The following NPHP4 variants were observed in gnomAD, a reference collection of about 807,000 sequenced individuals.
NPHP4 encodes nephrocystin 4.
In NPHP4, 151 loss-of-function variants were observed where a neutral mutation model predicts 155.8. That is an observed-to-expected ratio of 0.97 (90% CI 0.85 to 1.11). The LOEUF is 1.11. Among genes scored for constraint, NPHP4 ranks in the 50% least tolerant of loss-of-function variants. NPHP4 has a pLI of 0.00. For missense variants in NPHP4, 1,956 were observed against 1,925.7 expected, an observed-to-expected ratio of 1.02 and a Z score of -0.29; for synonymous variants, 845 against 816.8, an observed-to-expected ratio of 1.03 and a Z score of -0.59.
intron 10 of NPHP4, among the ~76,000 whole-genome samples, chr1:5,932,158 T>C (rs1170960258): frequency 6.6e-6 from 1 of 152,166 alleles, no homozygotes; most frequent in Non-Finnish European, 1.5e-5. Context: ...TTGATATTGA[T>C]GGCTGCTGCC....
Position 5,969,138 on chromosome 1 carries a change from C to A in NPHP4, c.401G>T (p.Arg134Leu). ...QTLSCGFGIL[R>L]IFSNQPDSPI... ...AGAGTCCGGCTGGTTGCTGAAGATCCGAAGAATTCCAAACCCACAGGACAA... is the reference window on the plus strand; with the variant it reads ...AGAGTCCGGCTGGTTGCTGAAGATCAGAAGAATTCCAAACCCACAGGACAA... The change falls in exon 4 of 30, where the codon CGG becomes CTG. Residue 134 changes from arginine to leucine, a missense_variant. Coordinates refer to ENST00000378156, the MANE Select transcript of NPHP4 (RefSeq NM_015102.5). The A allele has an allele frequency of 6.4e-7, 1 of 1,552,048 alleles. No homozygotes were observed. The highest frequency in any genetic ancestry group is 8.7e-7 in the Non-Finnish European group (1 of 1,146,974).
chr1:5,957,520 T>C (rs1215951816), intron 6 of NPHP4, among the ~76,000 whole-genome samples: 1 of 150,646 alleles, frequency 6.6e-6, no homozygotes, highest in African/African-American at 2.5e-5. Context: ...GCTGCAACAG[T>C]GGGATATTTA....
At chr1:5,951,149 G>A (rs1647919719) in intron 7 of NPHP4, among the ~76,000 whole-genome samples, 1 of 152,224 alleles carries the variant, frequency 6.6e-6, no homozygotes, top group South Asian at 2.1e-4. Context: ...GAGGGAATGG[G>A]CGGGGAGGAA....
intron 11 of NPHP4, among the ~76,000 whole-genome samples, chr1:5,912,537 C>CAAAAAAAAAAAAAAAAAAAAA (rs752371714): frequency 9.0e-5 from 7 of 77,822 alleles, no homozygotes; most frequent in African/African-American, 1.2e-4. Flanking sequence ...GACTCCGTCT[C>CAAAAAAAAAAAAAAAAAAAAA]AAAAAAAAAA....
chr1:5,897,461 A>T (rs1183320996), intron 16 of NPHP4, among the ~76,000 whole-genome samples: 1 of 152,242 alleles, frequency 6.6e-6, no homozygotes, highest in Non-Finnish European at 1.5e-5. Context: ...TGTGAAGCAC[A>T]CAGCACTGAC....
At chr1:5,911,676 T>C (rs1327901252) in intron 11 of NPHP4, among the ~76,000 whole-genome samples, 1 of 152,148 alleles carries the variant, frequency 6.6e-6, no homozygotes, top group Non-Finnish European at 1.5e-5. Context: ...AAGGTGGCCA[T>C]TTAAAAAGAT....
chr1:5,901,969 C>T (rs2101081005), intron 16 of NPHP4, among the ~76,000 whole-genome samples: 1 of 152,258 alleles, frequency 6.6e-6, no homozygotes, highest in South Asian at 2.1e-4. Context: ...AGACAAAGGC[C>T]ACACCCCTGG....
chr1:5,959,665 A>G (rs1165865180), intron 6 of NPHP4, among the ~76,000 whole-genome samples: 1 of 152,188 alleles, frequency 6.6e-6, no homozygotes. Context: ...AGCAGCACAC[A>G]GCTAGTCCCA....
chr1:5,959,942 C>T (rs2102107985), intron 6 of NPHP4, among the ~76,000 whole-genome samples: 1 of 152,106 alleles, frequency 6.6e-6, no homozygotes, highest in East Asian at 1.9e-4. Flanking sequence ...CAGGCGGCAA[C>T]TCACAGTTAG....
chr1:5,977,762 G>A (rs974648057), intron 3 of NPHP4, among the ~76,000 whole-genome samples: 3 of 148,222 alleles, frequency 2.0e-5, no homozygotes, highest in African/African-American at 7.5e-5. Context: ...AAGACAGAAG[G>A]CACAGGTGTG....
intron 11 of NPHP4, among the ~76,000 whole-genome samples, chr1:5,916,234 T>C (rs1645464304): frequency 6.6e-6 from 1 of 152,146 alleles, no homozygotes; most frequent in Non-Finnish European, 1.5e-5. Context: ...TCCCTTGCAA[T>C]GTTACAGAGA....
chr1:5,864,674 G>A, intron 27 of NPHP4, 157 bp from the exon 28 acceptor site: 1 of 619,550 alleles, frequency 1.6e-6, no homozygotes, highest in Non-Finnish European at 2.8e-6. Context: ...TGACATGACT[G>A]TGGCCGCGAC....
chr1:5,977,009 T>C (rs1394305517), intron 3 of NPHP4, among the ~76,000 whole-genome samples: 1 of 152,066 alleles, frequency 6.6e-6, no homozygotes, highest in Admixed American at 6.5e-5. Flanking sequence ...TCTTGGGGCC[T>C]CCTTCTATAT....
chr1:5,927,136 T>C (rs1270200018), intron 11 of NPHP4, among the ~76,000 whole-genome samples: 1 of 152,234 alleles, frequency 6.6e-6, no homozygotes, highest in African/African-American at 2.4e-5. Context: ...CCTAACCATG[T>C]GGACTTGCTG....
chr1:5,872,641 C>A (rs1642122172), intron 23 of NPHP4, among the ~76,000 whole-genome samples: 1 of 152,232 alleles, frequency 6.6e-6, no homozygotes, highest in African/African-American at 2.4e-5. Context: ...CAGGACTGCG[C>A]TGAACTCTGA....
chr1:5,980,495 T>G (rs1654491405), intron 2 of NPHP4, among the ~76,000 whole-genome samples: 1 of 151,884 alleles, frequency 6.6e-6, no homozygotes, highest in African/African-American at 2.4e-5. Flanking sequence ...CAGGGAGAGA[T>G]TCTAAGCAGA....
chr1:5,930,725 T>G (rs765585475), intron 10 of NPHP4, among the ~76,000 whole-genome samples: 3 of 152,250 alleles, frequency 2.0e-5, no homozygotes, highest in African/African-American at 4.8e-5. Flanking sequence ...TGTGCACTTG[T>G]AAACAACGTG....
chr1:5,873,940 G>T, intron 22 of NPHP4: 1 of 214,708 alleles, frequency 4.7e-6, no homozygotes, highest in Non-Finnish European at 9.3e-6. Flanking sequence ...CACACACCCT[G>T]CATACATGCC....
In NPHP4 at chr1:5,986,319, CCGGATGATCTGTGCCAGT is replaced by C. The variant is rs1270141044; in HGVS notation, c.-38-10_-31del. On this transcript the variant is annotated splice_acceptor_variant and splice_polypyrimidine_tract_variant and 5_prime_UTR_variant and intron_variant, in exon 2 of 30. Transcript: ENST00000378156. LOFTEE classifies it low-confidence loss of function (5UTR_SPLICE). Reference sequence around the variant, plus strand: ...CCCGCCTGAGGGTCCCGTGGGCTTCCCGGATGATCTGTGCCAGTCGTATTCAAATAAAGAGAAGAGCTG... The same window carrying C: ...CCCGCCTGAGGGTCCCGTGGGCTTCCCGTATTCAAATAAAGAGAAGAGCTG... 1.2e-6 allele frequency: 2 copies of C among 1,612,166 alleles called. No individual in the cohort carries two copies. Among genetic ancestry groups the C allele is most frequent in the Non-Finnish European group, 8.5e-7 (1 of 1,179,038 alleles).
Sources: allele counts gnomAD v4.1 joint callset (sites outside exome capture counted in the v4.1 genomes callset), GRCh38; gene constraint gnomAD v4.1.1; transcripts MANE v1.5; gene names NCBI Gene and HGNC (gene_info 2026-07-23, HGNC 2026-07-21).